Variants in ARHGEF5 observed in about 807,000 individuals in gnomAD.
ARHGEF5 encodes Rho guanine nucleotide exchange factor (GEF) 5.
ARHGEF5 carries 11 observed loss-of-function variants against 104.0 expected under a neutral mutation model. That is an observed-to-expected ratio of 0.11 (90% CI 0.07 to 0.18). The LOEUF (loss-of-function observed/expected upper bound fraction) is 0.18. ARHGEF5 is among the 10% of genes least tolerant of loss of function. The pLI, the probability that ARHGEF5 is intolerant of heterozygous loss-of-function variation, is 1.00. For synonymous variants in ARHGEF5, 60 were observed against 512.2 expected (o/e 0.12, Z 11.92); for missense variants, 165 against 1,335.4 (o/e 0.12, Z 13.66).
At position 144,379,918 on chromosome 7, in the gene ARHGEF5, G is replaced by A; in HGVS notation, c.4656G>A (p.Arg1552=). ...QSSDGWLEGV[R]LSDGERGWFP... ...CCACAGGCTGGCTGGAGGGCGTGAG[G>A]CTCTCAGACGGGGAGCGAGGCTGGT... The change falls in exon 15 of 15, where the codon AGG becomes AGA. Residue 1552 remains arginine (R), a synonymous_variant. Transcript: ENST00000056217. The A allele has an allele frequency of 6.2e-7, 1 of 1,614,176 alleles. No individual in the cohort carries two copies. The highest frequency in any genetic ancestry group is 8.5e-7 in the Non-Finnish European group (1 of 1,180,028).
At chr7:144,361,242 GAA>G (rs1191242103) in intron 1 of ARHGEF5, among the ~76,000 whole-genome samples, 2 of 9,482 alleles carry the variant, frequency 2.1e-4, no homozygotes, top group African/African-American at 3.9e-4. Context: ...AAAAAAAAAA[GAA>G]AAGAAAAAAA....
At chr7:144,360,105 T>A (rs1208140) in intron 1 of ARHGEF5, among the ~76,000 whole-genome samples, 25,578 of 103,798 alleles carry the variant, frequency 0.25, 5,606 homozygotes, top group East Asian at 0.56. Context: ...TTAATTAATT[T>A]ATTTATTTAG....
intron 9 of ARHGEF5, among the ~76,000 whole-genome samples, chr7:144,372,991 G>C (rs560191481): frequency 7.3e-6 from 1 of 136,612 alleles, no homozygotes; most frequent in South Asian, 2.4e-4. Context: ...CCCCCATTCA[G>C]TCTCACTTTT....
At chr7:144,373,995 C>T (rs1272578377) in intron 10 of ARHGEF5, among the ~76,000 whole-genome samples, 2 of 110,482 alleles carry the variant, frequency 1.8e-5, no homozygotes, top group Admixed American at 9.7e-5. Flanking sequence ...GTCTGCACCA[C>T]CATGTCTGGC....
intron 13 of ARHGEF5, among the ~76,000 whole-genome samples, chr7:144,377,928 C>T (rs1197303828): frequency 6.6e-6 from 1 of 152,204 alleles, no homozygotes; most frequent in African/African-American, 2.4e-5. Flanking sequence ...AGCATTCTTC[C>T]TCCTTCATTT....
chr7:144,359,683 A>AG (rs199631247), intron 1 of ARHGEF5, among the ~76,000 whole-genome samples: 3 of 84,888 alleles, frequency 3.5e-5, no homozygotes, highest in African/African-American at 8.9e-5. Context: ...CCAGTGGGAG[A>AG]GGGGGGGGAT....
chr7:144,379,675 G>C (rs1441512947), intron 14 of ARHGEF5, among the ~76,000 whole-genome samples: 1 of 152,170 alleles, frequency 6.6e-6, no homozygotes, highest in African/African-American at 2.4e-5. Flanking sequence ...AATGTTAGGA[G>C]GGACACGATG....
intron 10 of ARHGEF5, among the ~76,000 whole-genome samples, chr7:144,373,630 A>C (rs1282127497): frequency 8.9e-6 from 1 of 112,014 alleles, no homozygotes; most frequent in Non-Finnish European, 1.9e-5. Flanking sequence ...AGGGGGGTGC[A>C]TTTGAGAAAT....
At chr7:144,357,832 G>A (rs1179482603) in intron 1 of ARHGEF5, among the ~76,000 whole-genome samples, 8 of 133,032 alleles carry the variant, frequency 6.0e-5, no homozygotes, top group African/African-American at 2.2e-4. Flanking sequence ...TTATGTGGAT[G>A]CAGAATGTCT....
At position 144,360,164 on chromosome 7, in the gene ARHGEF5, T is replaced by C. The variant is rs575347022; in HGVS notation, c.-12-2494T>C. On this transcript the variant is annotated intron_variant, in intron 1 of 14. Transcript: ENST00000056217. ...TAGGCTGGAGAGCAGTGATGTGATC[T>C]TGGCTCACTGCAGCCTCTGCCTCCT... 3.3e-5 allele frequency among the ~76,000 whole-genome samples: 4 copies of C among 119,468 alleles called. 2 individuals are homozygous for C. Among genetic ancestry groups the C allele is most frequent in the African/African-American group, 1.3e-4 (4 of 31,210 alleles). The allele number at this position is 119,468 out of a possible 152,430, so 78.4% of individuals were successfully genotyped here. A position where few individuals can be genotyped will look rare whatever the true frequency, so the allele number is the denominator to read the frequency against.
chr7:144,370,267 A>G (rs2053712190), intron 5 of ARHGEF5, among the ~76,000 whole-genome samples: 1 of 151,604 alleles, frequency 6.6e-6, no homozygotes, highest in South Asian at 2.1e-4. Flanking sequence ...AAAAAATAAA[A>G]AAAAATAACT....
At chr7:144,376,211 A>AT (rs1316108262) in intron 12 of ARHGEF5, among the ~76,000 whole-genome samples, 6 of 132,818 alleles carry the variant, frequency 4.5e-5, no homozygotes. Context: ...ACAGACATAC[A>AT]TTTTTGAGAG....
At position 144,380,033 on chromosome 7, in the gene ARHGEF5, C is replaced by G. The variant is rs2053789936; in HGVS notation, c.4771C>G (p.Gln1591Glu). The G allele has an allele frequency of 6.2e-7, 1 of 1,614,098 alleles. No homozygotes were observed. Among genetic ancestry groups the G allele is most frequent in the Non-Finnish European group, 8.5e-7 (1 of 1,180,042 alleles). Residue 1591 changes from glutamine (Q) to glutamate (E), a missense_variant, in exon 15 of 15, where the codon CAG becomes GAG. By Grantham distance (29) the Gln-to-Glu change is conservative. Coordinates refer to ENST00000056217, the MANE Select transcript of ARHGEF5 (RefSeq NM_005435.4). The stretch of plus-strand genomic sequence containing the variant: ...TCATCGAGTCAAGACTGCCAAACTA[C>G]AGCTGGTGGAACAGCAAGCCTAAGT... The part of the protein sequence containing the change: ...EAHRVKTAKL[Q>E]LVEQQA
At chr7:144,378,637 G>T (rs2053778165) in intron 13 of ARHGEF5, 125 bp from the exon 14 acceptor site, 3 of 722,710 alleles carry the variant, frequency 4.2e-6, no homozygotes, top group Non-Finnish European at 7.0e-6. Flanking sequence ...TCTTTTGTCT[G>T]TGACTTTCAA....
chr7:144,374,161 T>C (rs1338880064), intron 10 of ARHGEF5, among the ~76,000 whole-genome samples: 5 of 72,332 alleles, frequency 6.9e-5, no homozygotes, highest in African/African-American at 2.5e-4. Context: ...ATACTATCTT[T>C]ACACTCCTGA....
chr7:144,377,528 G>A (rs1236026628), intron 13 of ARHGEF5, among the ~76,000 whole-genome samples: 3 of 152,024 alleles, frequency 2.0e-5, no homozygotes, highest in Admixed American at 2.0e-4. Context: ...AAAGCCTGAC[G>A]GTGGTAGAAG....
chr7:144,359,786 A>G (rs62485522), intron 1 of ARHGEF5, among the ~76,000 whole-genome samples: 24,279 of 114,758 alleles, frequency 0.21, 118 homozygotes, highest in Non-Finnish European at 0.28. Context: ...CTGAAGATTT[A>G]GATTTCATCT....
chr7:144,380,052 C>A lies in ARHGEF5; in HGVS notation c.4790C>A (p.Ala1597Asp). The A allele has an allele frequency of 4.3e-6, 7 of 1,614,158 alleles. No individual in the cohort carries two copies. Among genetic ancestry groups the A allele is most frequent in the Non-Finnish European group, 4.2e-6 (5 of 1,180,022 alleles). The change falls in exon 15 of 15, where the codon GCC becomes GAC. Residue 1597 changes from alanine to aspartate, a missense_variant. Ala to Asp is a moderately radical substitution (Grantham distance 126). Transcript: ENST00000056217. The stretch of plus-strand genomic sequence containing the variant: ...AAACTACAGCTGGTGGAACAGCAAG[C>A]CTAAGTCTTCTCTGAGAGGAGTTTC... ...TAKLQLVEQQA is the reference protein window; with the variant it reads ...TAKLQLVEQQD
intron 13 of ARHGEF5, among the ~76,000 whole-genome samples, 171 bp from the exon 14 acceptor site, chr7:144,378,591 T>C (rs569033512): frequency 6.6e-6 from 1 of 152,308 alleles, no homozygotes; most frequent in African/African-American, 2.4e-5. Flanking sequence ...TCATTTCTGG[T>C]ATGTCTATTT....
Sources: allele counts gnomAD v4.1 joint callset (sites outside exome capture counted in the v4.1 genomes callset), GRCh38; gene constraint gnomAD v4.1.1; transcripts MANE v1.5; gene names NCBI Gene and HGNC (gene_info 2026-07-23, HGNC 2026-07-21).